The following EYS variants were observed in gnomAD, a reference collection of about 807,000 sequenced individuals.
EYS encodes the protein EGF-like photoreceptor maintenance factor, also known as protein eyes shut homolog.
EYS carries 250 observed loss-of-function variants against 282.1 expected under a neutral mutation model. The ratio of observed to expected loss-of-function variants is 0.89; its 90% CI spans 0.80 to 0.98. The LOEUF is 0.98. Ranked by LOEUF, EYS falls within the 50% of genes least tolerant of loss-of-function variation. EYS has a pLI of 0.00. For missense variants in EYS, 4,016 were observed against 3,709.0 expected (o/e 1.08, Z -2.15); for synonymous variants, 1,355 against 1,282.9 (o/e 1.06, Z -1.20).
At chr6:64,302,673 A>T (rs1483058297) in intron 30 of EYS, among the ~76,000 whole-genome samples, 1 of 152,146 alleles carries the variant, frequency 6.6e-6, no homozygotes, top group Non-Finnish European at 1.5e-5. Flanking sequence ...TCCATCCTTA[A>T]AAATATGCTC....
At chr6:64,094,909 C>G (rs1011275076) in intron 31 of EYS, among the ~76,000 whole-genome samples, 1 of 152,122 alleles carries the variant, frequency 6.6e-6, no homozygotes, top group African/African-American at 2.4e-5. Context: ...AAATTTCCCT[C>G]TACACACTGC....
intron 33 of EYS, among the ~76,000 whole-genome samples, chr6:64,051,414 A>G (rs2149844447): frequency 6.6e-6 from 1 of 152,222 alleles, no homozygotes; most frequent in South Asian, 2.1e-4. Context: ...GCAAGGAAAA[A>G]TACCTTTCCT....
intron 19 of EYS, among the ~76,000 whole-genome samples, chr6:64,872,185 C>G (rs1028278430): frequency 6.6e-6 from 1 of 151,932 alleles, no homozygotes; most frequent in African/African-American, 2.4e-5. Flanking sequence ...GTAATGACTC[C>G]TCATAGCCAG....
At chr6:65,351,476 G>T (rs1764270768) in intron 9 of EYS, among the ~76,000 whole-genome samples, 1 of 151,628 alleles carries the variant, frequency 6.6e-6, no homozygotes. Flanking sequence ...CATTCATAAA[G>T]TTGACTATAT....
Position 65,159,169 on chromosome 6 carries a change from G to T in EYS, c.2024-101442C>A, listed in dbSNP as rs1240977928. On this transcript the variant is annotated intron_variant, in intron 12 of 42. Coordinates refer to ENST00000503581, the MANE Select transcript of EYS (RefSeq NM_001142800.2). ...AAGTTTAAGTATAACAGATTAAGAA[G>T]CCAATTGGAAGAACTCTACATCTGG... Among the ~76,000 whole-genome samples the T allele has an allele frequency of 1.3e-5, 2 of 150,694 alleles. 1 individual carries two copies. Among genetic ancestry groups the T allele is most frequent in the Non-Finnish European group, 3.0e-5 (2 of 67,160 alleles).
intron 30 of EYS, among the ~76,000 whole-genome samples, chr6:64,294,741 C>T (rs1388922056): frequency 6.6e-6 from 1 of 152,120 alleles, no homozygotes; most frequent in Non-Finnish European, 1.5e-5. Flanking sequence ...TAGTATGATA[C>T]AAATAGTGGC....
chr6:65,064,007 A>G (rs1211077242), intron 12 of EYS, among the ~76,000 whole-genome samples: 1 of 150,940 alleles, frequency 6.6e-6, no homozygotes, highest in Non-Finnish European at 1.5e-5. Flanking sequence ...AGAATTTTAC[A>G]CTAAGCTATA....
chr6:63,812,485 C>T (rs557702831), intron 36 of EYS, among the ~76,000 whole-genome samples: 1 of 152,236 alleles, frequency 6.6e-6, no homozygotes, highest in Non-Finnish European at 1.5e-5. Flanking sequence ...ATTTACATGG[C>T]CCAATTCCAT....
chr6:65,247,530 C>G (rs1039624227), intron 12 of EYS, among the ~76,000 whole-genome samples: 1 of 151,932 alleles, frequency 6.6e-6, no homozygotes, highest in Admixed American at 6.6e-5. Context: ...TCTGTTACAC[C>G]TCCAATACAG....
At chr6:65,650,398 C>T (rs968028231) in intron 1 of EYS, among the ~76,000 whole-genome samples, 3 of 152,130 alleles carry the variant, frequency 2.0e-5, no homozygotes, top group Non-Finnish European at 4.4e-5. Flanking sequence ...GAGATTAACA[C>T]TATTTAGCAT....
chr6:64,586,198 C>T (rs1457806091), intron 26 of EYS, among the ~76,000 whole-genome samples: 1 of 151,902 alleles, frequency 6.6e-6, no homozygotes, highest in African/African-American at 2.4e-5. Flanking sequence ...TGAGTTCAGC[C>T]CTTTTGGCAT....
intron 22 of EYS, among the ~76,000 whole-genome samples, chr6:64,764,634 A>G (rs1203153876): frequency 6.6e-6 from 1 of 152,246 alleles, no homozygotes; most frequent in African/African-American, 2.4e-5. Flanking sequence ...ATGCAAATTT[A>G]TACAGCAGGC....
At chr6:64,847,229 T>A (rs1309288258) in intron 19 of EYS, among the ~76,000 whole-genome samples, 1 of 151,928 alleles carries the variant, frequency 6.6e-6, no homozygotes, top group Non-Finnish European at 1.5e-5. Context: ...TTCCCCTCTC[T>A]CTCTTCTCTC....
At chr6:65,504,173 G>C (rs937238431) in intron 2 of EYS, among the ~76,000 whole-genome samples, 1 of 151,148 alleles carries the variant, frequency 6.6e-6, no homozygotes, top group Non-Finnish European at 1.5e-5. Flanking sequence ...TAGTTTTGTA[G>C]GTATATACCC....
chr6:63,770,637 G>C (rs2149660611), intron 40 of EYS, among the ~76,000 whole-genome samples: 1 of 152,234 alleles, frequency 6.6e-6, no homozygotes, highest in East Asian at 1.9e-4. Context: ...CTCCTGTGTG[G>C]ATGACTTAAT....
intron 26 of EYS, among the ~76,000 whole-genome samples, chr6:64,537,139 C>G (rs1156813200): frequency 1.1e-4 from 16 of 145,976 alleles, no homozygotes; most frequent in Admixed American, 4.8e-4. Flanking sequence ...GTATAACTCC[C>G]AATGCTATCC....
chr6:65,429,569 T>A (rs1469408596), intron 5 of EYS, among the ~76,000 whole-genome samples: 1 of 152,168 alleles, frequency 6.6e-6, no homozygotes, highest in African/African-American at 2.4e-5. Flanking sequence ...CACTCTAATA[T>A]CCTTACTTCA....
chr6:65,221,410 G>T (rs1008829748), intron 12 of EYS, among the ~76,000 whole-genome samples: 4 of 152,190 alleles, frequency 2.6e-5, no homozygotes, highest in African/African-American at 9.6e-5. Flanking sequence ...CCCAGGTGTG[G>T]CTAAAAGGGG....
intron 31 of EYS, among the ~76,000 whole-genome samples, chr6:64,094,376 A>C (rs186887001): frequency 6.6e-6 from 1 of 152,084 alleles, no homozygotes; most frequent in African/African-American, 2.4e-5. Flanking sequence ...CTGTGAATCC[A>C]TCTGGTCCTG....
Sources: gnomAD v4.1 joint callset for allele counts (sites outside exome capture counted in the v4.1 genomes callset) on GRCh38, gnomAD v4.1.1 for gene constraint, MANE v1.5 for transcripts, NCBI Gene and HGNC (gene_info 2026-07-23, HGNC 2026-07-21) for gene names.